The following PFKFB3 variants were observed in gnomAD, a reference collection of about 807,000 sequenced individuals.
PFKFB3 encodes 6-phosphofructo-2-kinase/fructose-2,6-bisphosphatase 3.
In PFKFB3, 33 loss-of-function variants were observed where a neutral mutation model predicts 68.0. The observed-to-expected ratio is 0.49, with a 90% CI of 0.37 to 0.65. The LOEUF (loss-of-function observed/expected upper bound fraction) is 0.65, where lower values mean the gene tolerates loss of function less well. PFKFB3 is among the 30% of genes least tolerant of loss of function. The pLI, the probability that PFKFB3 is intolerant of heterozygous loss-of-function variation, is 0.00. For missense variants in PFKFB3, 586 were observed against 712.2 expected (o/e 0.82, Z 2.02); for synonymous variants, 315 against 288.2 (o/e 1.09, Z -0.94).
rs1327919466 is a variant in PFKFB3 at position 6,228,377 on chromosome 10, A to G, written c.1515+2012A>G. 1.3e-6 allele frequency: 1 copy of G among 785,688 alleles called. No individual in the cohort carries two copies. 48.7% of individuals were successfully genotyped at this position (785,688 alleles called of 1,614,324 possible). A position where few individuals can be genotyped will look rare whatever the true frequency, so the allele number is the denominator to read the frequency against. ...ATGGGCGTAGGAGTAGGGAGGAGAG[A>G]TTCCTGAATGTTTTTGGAAAAGCGT... On this transcript the variant is annotated intron_variant, in intron 14 of 14. Transcript: ENST00000379775. The surrounding 1 kb of genome is among the most constrained non-coding windows in gnomAD (Gnocchi z 4.5).
the PFKFB3 span, among the ~76,000 whole-genome samples, chr10:6,304,897 G>T: frequency 6.9e-6 from 1 of 144,066 alleles, no homozygotes; most frequent in African/African-American, 2.6e-5. Context: ...GCCCAGGCTG[G>T]CCTTGAACTC....
intron 1 of PFKFB3, among the ~76,000 whole-genome samples, chr10:6,170,887 A>G (rs1842289696): frequency 6.6e-6 from 1 of 152,190 alleles, no homozygotes; most frequent in African/African-American, 2.4e-5. Context: ...AGAAAAGCTC[A>G]GGAAGAGGAA....
intron 1 of PFKFB3, among the ~76,000 whole-genome samples, chr10:6,156,931 A>G (rs930274332): frequency 2.0e-5 from 3 of 151,184 alleles, no homozygotes; most frequent in Non-Finnish European, 4.4e-5. Context: ...TTCTCTACTA[A>G]AAATACAAAA....
intron 1 of PFKFB3, among the ~76,000 whole-genome samples, chr10:6,178,713 A>G (rs1842609741): frequency 6.6e-6 from 1 of 152,108 alleles, no homozygotes; most frequent in East Asian, 1.9e-4. Flanking sequence ...ATCTGAAAGG[A>G]TTTACTGCTG....
Position 6,233,198 on chromosome 10 carries a change from G to A in PFKFB3, c.*256G>A. ...CACCTCCACTCTCTGGGTTTCCTAGGAATGTCCAGCCTCGGAGACCTTCAC... is the reference window on the plus strand; with the variant it reads ...CACCTCCACTCTCTGGGTTTCCTAGAAATGTCCAGCCTCGGAGACCTTCAC... On this transcript the variant is annotated 3_prime_UTR_variant, in exon 15 of 15. Coordinates refer to ENST00000379775, the MANE Select transcript of PFKFB3 (RefSeq NM_004566.4). 2.0e-6 allele frequency: 1 copy of A among 492,062 alleles called. No homozygotes were observed. The highest frequency in any genetic ancestry group is 3.7e-6 in the Non-Finnish European group (1 of 272,628). The allele number at this position is 492,062 out of a possible 1,614,324, so 30.5% of individuals were successfully genotyped here. A position where few individuals can be genotyped will look rare whatever the true frequency, so the allele number is the denominator to read the frequency against.
Position 6,213,717 on chromosome 10 carries a change from C to T in PFKFB3, c.171C>T (p.Arg57=). ...GKTYISKKLT[R]YLNWIGVPTK... is the part of the protein sequence containing the mutation. ...CCTACATCTCCAAGAAGCTGACTCG[C>T]TACCTCAACTGGATTGGCGTCCCCA... The change falls in exon 2 of 15, where the codon CGC becomes CGT. Residue 57 remains arginine, a synonymous_variant. Coordinates refer to ENST00000379775, the MANE Select transcript of PFKFB3 (RefSeq NM_004566.4). 1 of 1,613,506 alleles carries T rather than the reference C, an allele frequency of 6.2e-7. No homozygotes were observed. Among genetic ancestry groups the T allele is most frequent in the Non-Finnish European group, 8.5e-7 (1 of 1,179,760 alleles).
At chr10:6,281,513 C>T in the PFKFB3 span, among the ~76,000 whole-genome samples, 12 of 152,052 alleles carry the variant, frequency 7.9e-5, no homozygotes, top group Non-Finnish European at 1.3e-4. Context: ...CCCATAACAG[C>T]ATCTTCCATA....
At chr10:6,212,735 A>G (rs926155530) in intron 1 of PFKFB3, among the ~76,000 whole-genome samples, 1 of 152,206 alleles carries the variant, frequency 6.6e-6, no homozygotes, top group African/African-American at 2.4e-5. Context: ...CATGGTCTCA[A>G]GTGATCCTCT....
the PFKFB3 span, among the ~76,000 whole-genome samples, chr10:6,295,886 C>T: frequency 2.0e-5 from 3 of 152,194 alleles, no homozygotes; most frequent in African/African-American, 7.2e-5. Flanking sequence ...CTCACACAAG[C>T]GTGGGCACCT....
In PFKFB3 at chr10:6,154,126, C is replaced by T. The variant is rs1462144806; in HGVS notation, c.16+9113C>T. 3.3e-5 allele frequency among the ~76,000 whole-genome samples: 5 copies of T among 152,152 alleles called. No individual in the cohort carries two copies. The highest frequency in any genetic ancestry group is 3.3e-4 in the Admixed American group (5 of 15,264). On this transcript the variant is annotated intron_variant, in intron 1 of 14. Coordinates refer to the PFKFB3 transcript ENST00000379789. This position sits in a 1 kb window ranked among gnomAD's most constrained non-coding sequence, Gnocchi z 4.6. The stretch of plus-strand genomic sequence containing the variant: ...TGAGAGGGTGGAAGCCAGGTGGACA[C>T]AGGCTTAGGAAGGGAGTGGCGGCTC...
At chr10:6,238,913 G>A (rs1846082445), downstream of PFKFB3, among the ~76,000 whole-genome samples, 1 of 152,118 alleles carries the variant, frequency 6.6e-6, no homozygotes, top group East Asian at 1.9e-4. Flanking sequence ...TCCTTTTCAT[G>A]GCTGTATAGT....
intron 1 of PFKFB3, among the ~76,000 whole-genome samples, chr10:6,205,716 C>T (rs1843636591): frequency 6.6e-6 from 1 of 152,114 alleles, no homozygotes; most frequent in South Asian, 2.1e-4. Context: ...TTCTCCTAAA[C>T]TTGTTGCCAC....
rs1054731810 is a variant in PFKFB3, at chr10:6,234,738, A to G, written c.*1796A>G. ...GGCCTGTTGCTTTGCTCTTGAGAAT[A>G]GTTTCTCGTGTCCCCCTCGCAGGCC... On this transcript the variant is annotated 3_prime_UTR_variant, in exon 15 of 15. Coordinates refer to ENST00000379775, the MANE Select transcript of PFKFB3 (RefSeq NM_004566.4). 1 of 152,314 alleles carries G rather than the reference A, an allele frequency of 6.6e-6. No homozygotes were observed. The highest frequency in any genetic ancestry group is 1.5e-5 in the Non-Finnish European group (1 of 68,040). 9.4% of individuals were successfully genotyped at this position (152,314 alleles called of 1,614,324 possible).
chr10:6,213,670 G>A lies in PFKFB3; in HGVS notation c.124G>A (p.Gly42Ser). 1 of 1,613,522 alleles carries A rather than the reference G, an allele frequency of 6.2e-7. No homozygotes were observed. Among genetic ancestry groups the A allele is most frequent in the Non-Finnish European group, 8.5e-7 (1 of 1,179,794 alleles). The change falls in exon 2 of 15, where the codon GGC becomes AGC. Residue 42 changes from glycine to serine, a missense_variant. By Grantham distance (56) the Gly-to-Ser change is moderately conservative. Coordinates refer to ENST00000379775, the MANE Select transcript of PFKFB3 (RefSeq NM_004566.4). ...CTCCCCCACCGTCATCGTCATGGTG[G>A]GCCTCCCCGCCCGGGGCAAGACCTA... Reference protein sequence around the residue: ...TNSPTVIVMVGLPARGKTYIS... With the variant: ...TNSPTVIVMVSLPARGKTYIS...
the PFKFB3 span, among the ~76,000 whole-genome samples, chr10:6,280,779 G>A: frequency 2.1e-4 from 32 of 151,586 alleles, no homozygotes; most frequent in Non-Finnish European, 4.6e-4. Context: ...TGAGAGTGAG[G>A]CACATGCTTT....
At chr10:6,202,409 T>A (rs1843400306), upstream of PFKFB3, 1 of 152,278 alleles carries the variant, frequency 6.6e-6, no homozygotes, top group Non-Finnish European at 1.5e-5. Flanking sequence ...TCACGGGTAT[T>A]ATCAGGGAGC....
chr10:6,232,984 T>G lies in PFKFB3; in HGVS notation c.*42T>G. On this transcript the variant is annotated 3_prime_UTR_variant, in exon 15 of 15. Transcript: ENST00000379775. The stretch of plus-strand genomic sequence containing the variant: ...CCATTCCATTTCCATTTCTGCAGCT[T>G]AGCTTGTGTCCTGCCCTCCGCCCGA... The G allele has an allele frequency of 6.7e-6, 10 of 1,501,326 alleles. No homozygotes were observed. Among genetic ancestry groups the G allele is most frequent in the African/African-American group, 1.4e-5 (1 of 72,822 alleles). 93.0% of individuals were successfully genotyped at this position (1,501,326 alleles called of 1,614,324 possible). A position where few individuals can be genotyped will look rare whatever the true frequency, so the allele number is the denominator to read the frequency against.
At position 6,161,378 on chromosome 10, in the gene PFKFB3, G is replaced by T. The variant is rs182511034; in HGVS notation, c.16+16365G>T. ...CCATTTGTTTGGATCATTTGTAAAG[G>T]TAACTTTTCCCATTTGTAACTAAAA... On this transcript the variant is annotated intron_variant, in intron 1 of 14. Transcript: ENST00000379789. Among the ~76,000 whole-genome samples the T allele has an allele frequency of 2.6e-5, 4 of 152,190 alleles. No homozygotes were observed. The East Asian group carries it at 7.7e-4, about 29-fold the overall frequency.
At chr10:6,277,279 G>T in the PFKFB3 span, among the ~76,000 whole-genome samples, 2 of 151,546 alleles carry the variant, frequency 1.3e-5, no homozygotes, top group Non-Finnish European at 2.9e-5. Flanking sequence ...TTTCACCCAG[G>T]CTGGAGTGCA....
Sources: gnomAD v4.1 joint callset for allele counts (sites outside exome capture counted in the v4.1 genomes callset) on GRCh38, gnomAD v4.1.1 for gene constraint, Gnocchi (gnomAD v3.1) non-coding constraint, MANE v1.5 for transcripts, NCBI Gene and HGNC (gene_info 2026-07-23, HGNC 2026-07-21) for gene names.